LMF1: variants seen among roughly 807,000 people sequenced by gnomAD.
The protein encoded by LMF1 is lipase maturation factor 1.
In LMF1, 68 loss-of-function variants were observed where a neutral mutation model predicts 60.6. The ratio of observed to expected loss-of-function variants is 1.12; its 90% confidence interval spans 0.92 to 1.37. LMF1 has a LOEUF of 1.37. Ranked by LOEUF, LMF1 falls within the 40% of genes most tolerant of loss-of-function variation. LMF1 has a pLI of 0.00. For missense variants in LMF1, 948 were observed against 767.2 expected, an observed-to-expected ratio of 1.24 and a Z score of -2.78; for synonymous variants, 418 against 324.7, an observed-to-expected ratio of 1.29 and a Z score of -3.09.
chr16:943,577 A>G (rs1007373884), intron 2 of LMF1, among the ~76,000 whole-genome samples: 1 of 151,632 alleles, frequency 6.6e-6, no homozygotes, highest in African/African-American at 2.4e-5. Context: ...AAATACAAAA[A>G]TTAGCTGGGT....
intron 5 of LMF1, among the ~76,000 whole-genome samples, chr16:886,105 T>G (rs1352962276): frequency 6.6e-6 from 1 of 152,272 alleles, no homozygotes; most frequent in Non-Finnish European, 1.5e-5. Context: ...CAGTGCATGT[T>G]ACGACATTTG....
intron 4 of LMF1, chr16:902,617 G>T: frequency 6.0e-6 from 1 of 166,490 alleles, no homozygotes; most frequent in Non-Finnish European, 1.2e-5. Context: ...TCTGCTGCGT[G>T]GTGGTGACCT....
intron 2 of LMF1, among the ~76,000 whole-genome samples, chr16:936,040 C>T (rs554444426): frequency 5.3e-5 from 8 of 152,306 alleles, no homozygotes; most frequent in Admixed American, 2.0e-4. Context: ...TAAAAGAGTA[C>T]GAAGTCTAGA....
intron 4 of LMF1, among the ~76,000 whole-genome samples, chr16:898,527 C>T (rs1363585831): frequency 6.6e-6 from 1 of 152,252 alleles, no homozygotes; most frequent in Non-Finnish European, 1.5e-5. Flanking sequence ...GGGCCTGGAG[C>T]AGCCCAGGTG....
At chr16:941,865 T>G (rs1378294440) in intron 2 of LMF1, among the ~76,000 whole-genome samples, 1 of 152,194 alleles carries the variant, frequency 6.6e-6, no homozygotes, top group Non-Finnish European at 1.5e-5. Context: ...ATCCCCTCCC[T>G]CCTTTGTGCT....
intron 3 of LMF1, among the ~76,000 whole-genome samples, chr16:915,040 G>T (rs561205623): frequency 2.0e-4 from 31 of 152,378 alleles, no homozygotes; most frequent in African/African-American, 7.5e-4. Flanking sequence ...CATCCCCCGA[G>T]GCCTGAGGGC....
chr16:871,817 C>T lies in LMF1; in HGVS notation c.898-476G>A, dbSNP rs112443988. The T allele has an allele frequency of 6.3e-3, 986 of 156,044 alleles. 13 individuals are homozygous for T. The highest frequency in any genetic ancestry group is 0.022 in the African/African-American group (934 of 41,636). The allele number at this position is 156,044 out of a possible 1,614,324, so 9.7% of individuals were successfully genotyped here. On this transcript the variant is annotated intron_variant, in intron 6 of 10. Coordinates refer to ENST00000262301, the MANE Select transcript of LMF1 (RefSeq NM_022773.4). ...GGGGCCGTGGGGGGGCCACCAGTAA[C>T]GCCCCCACTCCAAAATACGAAATGC...
chr16:871,405 C>A, intron 6 of LMF1, 64 bp from the exon 7 acceptor site: 1 of 1,540,630 alleles, frequency 6.5e-7, no homozygotes, highest in Non-Finnish European at 8.9e-7. Flanking sequence ...GCAGCTGGCG[C>A]CTCTCTTCCT....
Position 954,152 on chromosome 16 carries a change from A to G in LMF1, c.503+205T>C, listed in dbSNP as rs189710542. 1,033 of 694,100 alleles carry G rather than the reference A, an allele frequency of 1.5e-3. 2 individuals are homozygous for G. Among genetic ancestry groups the G allele is most frequent in the Non-Finnish European group, 2.3e-3 (881 of 381,232 alleles). The allele number at this position is 694,100 out of a possible 1,614,324, so 43.0% of individuals were successfully genotyped here. On this transcript the variant is annotated intron_variant, in intron 2 of 10. Transcript: ENST00000262301. ...TAAGTAAGGAAGAGCTACTGCAAAG[A>G]GGTGGGGTTTTAATCCTGAAGATGG...
At chr16:939,085 G>C (rs1057416007) in intron 2 of LMF1, among the ~76,000 whole-genome samples, 1 of 152,000 alleles carries the variant, frequency 6.6e-6, no homozygotes, top group African/African-American at 2.4e-5. Context: ...ACACCAAAGG[G>C]GAACGGCAAA....
rs1567299368 is a variant in LMF1 at position 949,546 on chromosome 16, CGACAGAGTCAGAGACAAT to C, written c.503+4793_503+4810del. 3.7e-4 allele frequency among the ~76,000 whole-genome samples: 50 copies of C among 136,884 alleles called. 1 individual carries two copies. Among genetic ancestry groups the C allele is most frequent in the Non-Finnish European group, 7.2e-4 (47 of 65,370 alleles). The allele number at this position is 136,884 out of a possible 152,430, so 89.8% of individuals were successfully genotyped here. A position where few individuals can be genotyped will look rare whatever the true frequency, so the allele number is the denominator to read the frequency against. Reference sequence around the variant, plus strand: ...CAGCCAACGACAGAGTCAGAGCCAACGACAGAGTCAGAGACAATGACAGAGTCAGAGACAACGACAGAG... The same window carrying C: ...CAGCCAACGACAGAGTCAGAGCCAACGACAGAGTCAGAGACAACGACAGAG... On this transcript the variant is annotated intron_variant, in intron 2 of 10. Coordinates refer to ENST00000262301, the MANE Select transcript of LMF1 (RefSeq NM_022773.4).
At chr16:945,867 C>T (rs1011845721) in intron 2 of LMF1, among the ~76,000 whole-genome samples, 14 of 152,176 alleles carry the variant, frequency 9.2e-5, no homozygotes, top group East Asian at 3.9e-4. Context: ...AAGCTCTGGA[C>T]GCAGGAGACT....
chr16:936,030 T>A (rs1049885100), intron 2 of LMF1, among the ~76,000 whole-genome samples: 2 of 152,238 alleles, frequency 1.3e-5, no homozygotes, highest in African/African-American at 4.8e-5. Flanking sequence ...TATTTATAGG[T>A]AAAAGAGTAC....
intron 4 of LMF1, among the ~76,000 whole-genome samples, chr16:905,543 G>A (rs948643338): frequency 3.9e-5 from 6 of 152,240 alleles, no homozygotes; most frequent in Admixed American, 1.3e-4. Flanking sequence ...CAAGTGCCGT[G>A]AGAGCCATTT....
At position 854,002 on chromosome 16, in the gene LMF1, C is replaced by T. The variant is rs139657279; in HGVS notation, c.*530G>A. The T allele has an allele frequency of 5.0e-3, 2,285 of 454,104 alleles. 8 individuals carry two copies. The highest frequency in any genetic ancestry group is 6.6e-3 in the Non-Finnish European group (1,493 of 226,822). The allele number at this position is 454,104 out of a possible 1,614,324, so 28.1% of individuals were successfully genotyped here. On this transcript the variant is annotated 3_prime_UTR_variant, in exon 11 of 11. Transcript: ENST00000262301. Reference sequence around the variant, plus strand: ...ATAGGACAGAAAATGGCCCATCCAACCCCACATCCTGGCCGGGCGTGTCCA... The same window carrying T: ...ATAGGACAGAAAATGGCCCATCCAATCCCACATCCTGGCCGGGCGTGTCCA...
At chr16:880,773 G>C (rs992998501) in intron 5 of LMF1, among the ~76,000 whole-genome samples, 6 of 152,262 alleles carry the variant, frequency 3.9e-5, no homozygotes, top group Admixed American at 2.0e-4. Flanking sequence ...CTGTTTTCTG[G>C]AAGCCCCCAA....
chr16:971,003 G>A (rs2073040394), upstream of LMF1: 2 of 636,080 alleles, frequency 3.1e-6, no homozygotes, highest in South Asian at 4.5e-5. Flanking sequence ...CGCACTCCCG[G>A]AGGCCCCGCC....
chr16:944,593 T>C lies in LMF1; in HGVS notation c.503+9764A>G, dbSNP rs182298457. Among the ~76,000 whole-genome samples the C allele has an allele frequency of 2.9e-3, 445 of 152,332 alleles. 3 individuals carry two copies. The highest frequency in any genetic ancestry group is 0.01 in the African/African-American group (424 of 41,582). On this transcript the variant is annotated intron_variant, in intron 2 of 10. Transcript: ENST00000262301. ...AGTCCTGGGCACCTGTGCCCTCTGG[T>C]ATTTCACTTGCTGACGGTTTCATAG...
At chr16:934,853 C>T (rs1189624937) in intron 2 of LMF1, among the ~76,000 whole-genome samples, 2 of 152,130 alleles carry the variant, frequency 1.3e-5, no homozygotes, top group Non-Finnish European at 2.9e-5. Flanking sequence ...AGCCTCTGAC[C>T]TCTCTAACCC....
Sources: allele counts gnomAD v4.1 joint callset (sites outside exome capture counted in the v4.1 genomes callset), GRCh38; gene constraint gnomAD v4.1.1; transcripts MANE v1.5; gene names NCBI Gene and HGNC (gene_info 2026-07-23, HGNC 2026-07-21).